HNRNPU: variants seen among roughly 807,000 people sequenced by gnomAD.
HNRNPU encodes HNRNPU antisense RNA 1.
HNRNPU carries 5 observed loss-of-function variants against 94.7 expected under a neutral mutation model. The observed-to-expected ratio is 0.05, with a 90% CI of 0.03 to 0.11. The LOEUF is 0.11. Ranked by LOEUF, HNRNPU falls within the 10% of genes least tolerant of loss-of-function variation. The probability of loss-of-function intolerance (pLI) is 1.00; values close to 1 mark genes in which losing one functional copy is unlikely to be tolerated. For missense variants in HNRNPU, 710 were observed against 1,049.2 expected (o/e 0.68, Z 4.47); for synonymous variants, 434 against 381.6 (o/e 1.14, Z -1.60).
In HNRNPU at chr1:244,862,504, T is replaced by C; in HGVS notation, c.834A>G (p.Glu278=). Residue 278 remains glutamate (E), a synonymous_variant, in exon 3 of 14, where the codon GAA becomes GAG. Transcript: ENST00000640218. ...RAKSPQPPVE[E]EDEHFDDTVV... Reference sequence around the variant, plus strand: ...CTGTGTCATCGAAGTGTTCATCTTCTTCTTCAACAGGTGGCTGAGGAGATT... The same window carrying C: ...CTGTGTCATCGAAGTGTTCATCTTCCTCTTCAACAGGTGGCTGAGGAGATT... 2 of 1,614,086 alleles carry C rather than the reference T, an allele frequency of 1.2e-6. No homozygotes were observed. Among genetic ancestry groups the C allele is most frequent in the Non-Finnish European group, 1.7e-6 (2 of 1,179,976 alleles).
chr1:244,857,527 G>A lies in HNRNPU; in HGVS notation c.1614+71C>T, dbSNP rs1011364937. The A allele has an allele frequency of 3.4e-5, 50 of 1,486,972 alleles. No homozygotes were observed. In the South Asian group the frequency reaches 3.7e-4, roughly 11 times the overall value. 92.1% of individuals were successfully genotyped at this position (1,486,972 alleles called of 1,614,324 possible). On this transcript the variant is annotated intron_variant, in intron 8 of 13. Transcript: ENST00000640218. ...CTCTCAAAATGCTGAGATTACAGGC[G>A]TGAACCACCATGCCCAGCCTCTCCC... is the stretch of plus-strand genomic sequence containing the variant.
intron 3 of HNRNPU, 60 bp from the exon 4 acceptor site, chr1:244,860,534 T>C (rs763842926): frequency 3.7e-6 from 5 of 1,360,592 alleles, no homozygotes; most frequent in South Asian, 1.3e-5. Context: ...ATCTGCTATG[T>C]AGACAAAACT....
rs1310182996 is a variant in HNRNPU at position 244,852,650 on chromosome 1, C to A, written c.*1800G>T. 1.3e-5 allele frequency: 2 copies of A among 152,128 alleles called. No homozygotes were observed. Among genetic ancestry groups the A allele is most frequent in the East Asian group, 1.9e-4 (1 of 5,202 alleles). The allele number at this position is 152,128 out of a possible 1,614,324, so 9.4% of individuals were successfully genotyped here. Reference sequence around the variant, plus strand: ...ATATCTTATGTTAACTAAGGATTTGCCTGTTCCAAAAATGTCTCAACTGAA... The same window carrying A: ...ATATCTTATGTTAACTAAGGATTTGACTGTTCCAAAAATGTCTCAACTGAA... On this transcript the variant is annotated 3_prime_UTR_variant, in exon 14 of 14. Transcript: ENST00000640218.
At chr1:244,855,632 T>C in intron 11 of HNRNPU, 24 bp from the exon 12 acceptor site, 2 of 1,611,742 alleles carry the variant, frequency 1.2e-6, no homozygotes, top group Non-Finnish European at 1.7e-6. Context: ...GCTGTTTTAG[T>C]TTCATTGTAT....
chr1:244,850,553 T>C lies in HNRNPU; in HGVS notation c.*3897A>G, dbSNP rs1680520407. On this transcript the variant is annotated 3_prime_UTR_variant, in exon 14 of 14. Coordinates refer to ENST00000640218, the MANE Select transcript of HNRNPU (RefSeq NM_031844.3). ...TAGGGTAAATTTAGGCAATTAACAA[T>C]TCGAAGAGACTTGTGGTTTATGTAT... The C allele has an allele frequency of 1.4e-5, 2 of 142,022 alleles. No individual in the cohort carries two copies. Among genetic ancestry groups the C allele is most frequent in the Non-Finnish European group, 3.0e-5 (2 of 66,408 alleles). The allele number at this position is 142,022 out of a possible 1,614,324, so 8.8% of individuals were successfully genotyped here. A position where few individuals can be genotyped will look rare whatever the true frequency, so the allele number is the denominator to read the frequency against.
intron 3 of HNRNPU, 173 bp from the exon 4 acceptor site, chr1:244,860,647 A>C: frequency 1.7e-6 from 1 of 597,078 alleles, no homozygotes; most frequent in Non-Finnish European, 3.0e-6. Context: ...CCACCAAGTC[A>C]CTCCTGTTAA....
chr1:244,857,927 T>C lies in HNRNPU; in HGVS notation c.1494+84A>G, dbSNP rs369249024. 4 of 1,387,024 alleles carry C rather than the reference T, an allele frequency of 2.9e-6. No homozygotes were observed. In the South Asian group the frequency reaches 5.5e-5, roughly 19 times the overall value. 85.9% of individuals were successfully genotyped at this position (1,387,024 alleles called of 1,614,324 possible). On this transcript the variant is annotated intron_variant, in intron 7 of 13. Coordinates refer to ENST00000640218, the MANE Select transcript of HNRNPU (RefSeq NM_031844.3). The stretch of plus-strand genomic sequence containing the variant: ...ACAGCACAAAGTAAATGAAACAGAC[T>C]AATCATCTAGTTCTTCTAAATGTCA...
At chr1:244,855,823 A>C (rs1024321486) in intron 11 of HNRNPU, 81 bp downstream of exon 11, 15 of 1,514,338 alleles carry the variant, frequency 9.9e-6, no homozygotes, top group Admixed American at 2.0e-5. Flanking sequence ...AATGAGGAAG[A>C]AACTTCAGCT....
At position 244,854,453 on chromosome 1, in the gene HNRNPU, A is replaced by G. The variant is rs1680624680; in HGVS notation, c.2475T>C (p.Tyr825=). Residue 825 remains tyrosine, a synonymous_variant, in exon 14 of 14, where the codon TAT becomes TAC. Transcript: ENST00000640218. ...PWSQHYHQGY[Y] is the part of the protein sequence containing the mutation. Reference sequence around the variant, plus strand: ...TCAGTTCGTTTTATTTGGGTATTCAATAATATCCTTGGTGATAATGCTGAC... The same window carrying G: ...TCAGTTCGTTTTATTTGGGTATTCAGTAATATCCTTGGTGATAATGCTGAC... 6 of 1,591,342 alleles carry G rather than the reference A, an allele frequency of 3.8e-6. No individual in the cohort carries two copies. The highest frequency in any genetic ancestry group is 5.2e-6 in the Non-Finnish European group (6 of 1,159,796).
At position 244,864,176 on chromosome 1, in the gene HNRNPU, G is replaced by C; in HGVS notation, c.132C>G (p.Asp44Glu). ...LMERLQAALD[D>E]EEAGGRPAME... ...TGGCGGGGCGGCCCCCGGCCTCCTC[G>C]TCGTCCAGCGCAGCCTGGAGTCGCT... The change falls in exon 1 of 14, where the codon GAC becomes GAG. Residue 44 changes from aspartate (D) to glutamate (E), a missense_variant. Physicochemically the swap from Asp to Glu is conservative, Grantham distance 45 (BLOSUM62 2). This residue lies in a region of HNRNPU where 292 missense variants were observed against 293.4 expected (regional missense o/e 1.00). Coordinates refer to ENST00000640218, the MANE Select transcript of HNRNPU (RefSeq NM_031844.3). The C allele has an allele frequency of 6.2e-7, 1 of 1,607,150 alleles. No individual in the cohort carries two copies. The highest frequency in any genetic ancestry group is 8.5e-7 in the Non-Finnish European group (1 of 1,177,240).
At chr1:244,863,545 C>T (rs1680912397) in intron 1 of HNRNPU, 72 bp downstream of exon 1, 9 of 1,277,854 alleles carry the variant, frequency 7.0e-6, no homozygotes, top group African/African-American at 1.6e-5. Flanking sequence ...TGCGGGGCTC[C>T]GGCAGGCCTG....
intron 3 of HNRNPU, 75 bp from the exon 4 acceptor site, chr1:244,860,549 T>G: frequency 8.2e-7 from 1 of 1,222,162 alleles, no homozygotes; most frequent in Non-Finnish European, 1.2e-6. Flanking sequence ...AAAACTTGGT[T>G]ACTTAATTTT....
In HNRNPU at chr1:244,850,720, G is replaced by T. The variant is rs576802086; in HGVS notation, c.*3730C>A. On this transcript the variant is annotated 3_prime_UTR_variant, in exon 14 of 14. Transcript: ENST00000640218. ...GCAACCTATTGTCAGGCCTTAACATGTATGTGTTTGCTTTTATTATTACTA... is the reference window on the plus strand; with the variant it reads ...GCAACCTATTGTCAGGCCTTAACATTTATGTGTTTGCTTTTATTATTACTA... 3 of 152,234 alleles carry T rather than the reference G, an allele frequency of 2.0e-5. No individual in the cohort carries two copies. The South Asian group carries it at 6.2e-4, about 32-fold the overall frequency. 9.4% of individuals were successfully genotyped at this position (152,234 alleles called of 1,614,324 possible).
intron 1 of HNRNPU, 30 bp downstream of exon 1, chr1:244,863,571 CCCGCGCGGGCCTCCCG>C: frequency 7.3e-7 from 1 of 1,373,456 alleles, no homozygotes; most frequent in Middle Eastern, 2.7e-4. Flanking sequence ...CGGTCCCCAC[CCCGCGCGGGCCTCCCG>C]CCGCGCGCAA....
rs541528382 is a variant in HNRNPU at position 244,852,749 on chromosome 1, T to C, written c.*1701A>G. ...GTATGAATTCATATTTATGATCTGA[T>C]TTTAAAGGGCTAAAACAAAATTCTA... On this transcript the variant is annotated 3_prime_UTR_variant, in exon 14 of 14. Transcript: ENST00000640218. 1.3e-5 allele frequency: 2 copies of C among 152,328 alleles called. No individual in the cohort carries two copies. The highest frequency in any genetic ancestry group is 2.1e-4 in the South Asian group (1 of 4,832). The allele number at this position is 152,328 out of a possible 1,614,324, so 9.4% of individuals were successfully genotyped here.
chr1:244,863,032 G>A, intron 1 of HNRNPU: 1 of 338,326 alleles, frequency 3.0e-6, no homozygotes, highest in South Asian at 4.1e-5. Flanking sequence ...GGGAGGGGCC[G>A]AGCCCGGCGC....
rs1019784096 is a variant in HNRNPU at position 244,852,401 on chromosome 1, C to T, written c.*2049G>A. Reference sequence around the variant, plus strand: ...CCCACTGCAATTATAAAATGAATTCCTTAATAAGCAATTTTAAACTAGAAG... The same window carrying T: ...CCCACTGCAATTATAAAATGAATTCTTTAATAAGCAATTTTAAACTAGAAG... On this transcript the variant is annotated 3_prime_UTR_variant, in exon 14 of 14. Coordinates refer to ENST00000640218, the MANE Select transcript of HNRNPU (RefSeq NM_031844.3). 4.6e-5 allele frequency: 7 copies of T among 152,102 alleles called. No homozygotes were observed. The highest frequency in any genetic ancestry group is 1.7e-4 in the African/African-American group (7 of 41,418). 9.4% of individuals were successfully genotyped at this position (152,102 alleles called of 1,614,324 possible).
At chr1:244,862,414 A>AAAACC in intron 3 of HNRNPU, 47 bp downstream of exon 3, 1 of 1,298,126 alleles carries the variant, frequency 7.7e-7, no homozygotes, top group Non-Finnish European at 1.1e-6. Context: ...AAAAAAAAAA[A>AAAACC]CCACCATCAC....
Position 244,858,155 on chromosome 1 carries a change from G to A in HNRNPU, c.1350C>T (p.Cys450=), listed in dbSNP as rs760166337. 15 of 1,614,080 alleles carry A rather than the reference G, an allele frequency of 9.3e-6. No homozygotes were observed. Among genetic ancestry groups the A allele is most frequent in the Non-Finnish European group, 1.3e-5 (15 of 1,179,996 alleles). ...AGRPLFPHVL[C]HNCAVEFNFG... ...AATTAAATTCAACTGCACAGTTGTG[G>A]CAGAGAACATGCGGGAACAGTGGCC... is the stretch of plus-strand genomic sequence containing the variant. Residue 450 remains cysteine (C), a synonymous_variant, in exon 7 of 14, where the codon TGC becomes TGT. Transcript: ENST00000640218.
Sources: gnomAD v4.1 joint callset for allele counts on GRCh38, gnomAD v4.1.1 for gene constraint, gnomAD v4.1.1 regional missense constraint, MANE v1.5 for transcripts, NCBI Gene and HGNC (gene_info 2026-07-23, HGNC 2026-07-21) for gene names.